CLSTN2: variants seen among roughly 807,000 people sequenced by gnomAD.
The protein encoded by CLSTN2 is calsyntenin-2.
A neutral mutation model predicts 101.2 loss-of-function variants in CLSTN2; 48 were observed. That is an observed-to-expected ratio of 0.47 (90% CI 0.38 to 0.60). The LOEUF (loss-of-function observed/expected upper bound fraction) is 0.60. CLSTN2 is among the 20% of genes least tolerant of loss of function. The probability of loss-of-function intolerance (pLI) is 0.00; values close to 1 mark genes in which losing one functional copy is unlikely to be tolerated. For synonymous variants in CLSTN2, 481 were observed against 463.6 expected, an observed-to-expected ratio of 1.04 and a Z score of -0.48; for missense variants, 1,160 against 1,238.2, an observed-to-expected ratio of 0.94 and a Z score of 0.95.
intron 9 of CLSTN2, among the ~76,000 whole-genome samples, chr3:140,535,690 C>T (rs1935345085): frequency 1.3e-5 from 2 of 152,330 alleles, no homozygotes; most frequent in African/African-American, 2.4e-5. Flanking sequence ...CCTTTATACA[C>T]ATGGGGTGTT....
At chr3:140,470,081 G>C (rs1246090088) in intron 8 of CLSTN2, among the ~76,000 whole-genome samples, 1 of 152,088 alleles carries the variant, frequency 6.6e-6, no homozygotes, top group East Asian at 1.9e-4. Context: ...CTAATGTATT[G>C]TCTATATTTT....
At chr3:140,381,802 A>G (rs2087988652) in intron 2 of CLSTN2, among the ~76,000 whole-genome samples, 2 of 152,226 alleles carry the variant, frequency 1.3e-5, no homozygotes, top group Non-Finnish European at 2.9e-5. Context: ...GAACTGAACA[A>G]TTGGAGCTTT....
chr3:140,395,969 C>T (rs1259141841), intron 2 of CLSTN2, among the ~76,000 whole-genome samples: 1 of 152,200 alleles, frequency 6.6e-6, no homozygotes, highest in Non-Finnish European at 1.5e-5. Flanking sequence ...TTTCCTCAAA[C>T]CTGGAGGCAG....
intron 2 of CLSTN2, among the ~76,000 whole-genome samples, chr3:140,257,900 AG>A (rs1178557198): frequency 1.3e-5 from 2 of 152,156 alleles, no homozygotes; most frequent in Non-Finnish European, 1.5e-5. Context: ...CTGGGTCAAA[AG>A]ATATAAACAT....
At chr3:139,964,090 T>C (rs1330979343) in intron 1 of CLSTN2, among the ~76,000 whole-genome samples, 1 of 152,198 alleles carries the variant, frequency 6.6e-6, no homozygotes, top group Non-Finnish European at 1.5e-5. Context: ...AGGAAAAAAA[T>C]CCAACATTTC....
chr3:140,063,029 A>G (rs1274058656), intron 1 of CLSTN2, among the ~76,000 whole-genome samples: 1 of 152,212 alleles, frequency 6.6e-6, no homozygotes, highest in East Asian at 1.9e-4. Flanking sequence ...ACATTAAGTG[A>G]CAAGATCTAG....
chr3:140,345,888 G>C (rs75795079), intron 2 of CLSTN2, among the ~76,000 whole-genome samples: 1 of 152,118 alleles, frequency 6.6e-6, no homozygotes, highest in South Asian at 2.1e-4. Flanking sequence ...AAAGCCTTTC[G>C]CTGTGAATGA....
intron 1 of CLSTN2, among the ~76,000 whole-genome samples, chr3:140,060,702 G>A (rs1041773912): frequency 2.0e-5 from 3 of 152,176 alleles, no homozygotes; most frequent in African/African-American, 7.2e-5. Context: ...TGCCTGATGT[G>A]GCATCCAGAG....
chr3:140,538,794 T>A (rs1935410285), intron 9 of CLSTN2, among the ~76,000 whole-genome samples: 1 of 151,888 alleles, frequency 6.6e-6, no homozygotes. Flanking sequence ...TTCCAAGGAG[T>A]TCTTCATGAA....
intron 2 of CLSTN2, among the ~76,000 whole-genome samples, chr3:140,290,551 C>T (rs1451014489): frequency 1.3e-5 from 2 of 152,196 alleles, no homozygotes; most frequent in South Asian, 4.1e-4. Context: ...GGAACACTCT[C>T]TTGTCTTCTG....
At chr3:140,229,712 T>C (rs2086354134) in intron 2 of CLSTN2, among the ~76,000 whole-genome samples, 1 of 151,980 alleles carries the variant, frequency 6.6e-6, no homozygotes, top group Non-Finnish European at 1.5e-5. Flanking sequence ...CGCTCTCACC[T>C]TCTCCACACA....
chr3:140,407,976 C>A (rs1001162794), intron 4 of CLSTN2, among the ~76,000 whole-genome samples: 2 of 152,098 alleles, frequency 1.3e-5, no homozygotes, highest in Non-Finnish European at 2.9e-5. Context: ...AGCAAAAAGG[C>A]AGAGAAGGAG....
chr3:140,447,536 G>A (rs1933113361), intron 5 of CLSTN2, among the ~76,000 whole-genome samples: 1 of 152,194 alleles, frequency 6.6e-6, no homozygotes, highest in African/African-American at 2.4e-5. Flanking sequence ...TTTTAATCGT[G>A]ATTTTGTTCC....
At chr3:140,408,560 A>G (rs2088330250) in intron 4 of CLSTN2, among the ~76,000 whole-genome samples, 2 of 152,174 alleles carry the variant, frequency 1.3e-5, no homozygotes, top group South Asian at 4.1e-4. Flanking sequence ...AGCTTCTGCC[A>G]CTGAGGAAAC....
chr3:140,404,655 G>T lies in CLSTN2; in HGVS notation c.526G>T (p.Asp176Tyr). ...KAVVTEGKIY[D>Y]SILQVEAIDE... ...TGTTGTGACGGAGGGCAAGATCTATGACAGCATTCTGCAGGTGGAGGCCAT... is the reference window on the plus strand; with the variant it reads ...TGTTGTGACGGAGGGCAAGATCTATTACAGCATTCTGCAGGTGGAGGCCAT... Residue 176 changes from aspartate to tyrosine, a missense_variant, in exon 4 of 17, where the codon GAC becomes TAC. Coordinates refer to ENST00000458420, the MANE Select transcript of CLSTN2 (RefSeq NM_022131.3). 1 of 1,614,210 alleles carries T rather than the reference G, an allele frequency of 6.2e-7. No homozygotes were observed. The highest frequency in any genetic ancestry group is 8.5e-7 in the Non-Finnish European group (1 of 1,180,040).
At chr3:140,519,700 G>GTGACTT (rs2107772713) in intron 8 of CLSTN2, among the ~76,000 whole-genome samples, 1 of 151,832 alleles carries the variant, frequency 6.6e-6, no homozygotes, top group East Asian at 1.9e-4. Flanking sequence ...GAGCCTATGT[G>GTGACTT]TGACTTTGTA....
chr3:140,557,485 A>G (rs1348192604), intron 11 of CLSTN2, among the ~76,000 whole-genome samples: 1 of 152,188 alleles, frequency 6.6e-6, no homozygotes, highest in Non-Finnish European at 1.5e-5. Context: ...TTGCCACATT[A>G]GAGTGAAGAT....
rs535302147 is a variant in CLSTN2, at chr3:140,029,771, G to T, written c.109+94288G>T. On this transcript the variant is annotated intron_variant, in intron 1 of 16. Coordinates refer to ENST00000458420, the MANE Select transcript of CLSTN2 (RefSeq NM_022131.3). ...TTGGGGTATTTTCACCTCTTGTCTT[G>T]GGAGCATTATCTTCCCCTGCGATTC... 1.2e-4 allele frequency among the ~76,000 whole-genome samples: 19 copies of T among 152,066 alleles called. No homozygotes were observed. In the South Asian group the frequency reaches 3.5e-3, roughly 28 times the overall value.
At chr3:140,331,668 C>T (rs2087384290) in intron 2 of CLSTN2, among the ~76,000 whole-genome samples, 1 of 152,212 alleles carries the variant, frequency 6.6e-6, no homozygotes, top group African/African-American at 2.4e-5. Context: ...GTCACCTGGA[C>T]TTCTGCCCTA....
Sources: allele counts gnomAD v4.1 joint callset (sites outside exome capture counted in the v4.1 genomes callset), GRCh38; gene constraint gnomAD v4.1.1; transcripts MANE v1.5; gene names NCBI Gene and HGNC (gene_info 2026-07-23, HGNC 2026-07-21).